Variants in GRIN2A observed in about 807,000 individuals in gnomAD.
GRIN2A encodes glutamate ionotropic receptor NMDA type subunit 2A.
Under a neutral mutation model 113.4 loss-of-function variants are expected in GRIN2A, and 22 were observed. That is an observed-to-expected ratio of 0.19 (90% CI 0.14 to 0.28). The LOEUF (loss-of-function observed/expected upper bound fraction) is 0.28, where lower values mean the gene tolerates loss of function less well. Ranked by LOEUF, GRIN2A falls within the 10% of genes least tolerant of loss-of-function variation. GRIN2A has a pLI of 1.00. For synonymous variants in GRIN2A, 827 were observed against 738.4 expected, an observed-to-expected ratio of 1.12 and a Z score of -1.94; for missense variants, 1,502 against 1,887.0, an observed-to-expected ratio of 0.80 and a Z score of 3.78.
intron 11 of GRIN2A, among the ~76,000 whole-genome samples, chr16:9,795,948 G>A (rs1902957030): frequency 6.6e-6 from 1 of 152,132 alleles, no homozygotes; most frequent in Non-Finnish European, 1.5e-5. Context: ...CCAGAGTAAG[G>A]TCCCTGAAGT....
Position 9,891,080 on chromosome 16 carries a change from C to A in GRIN2A, c.1028G>T (p.Trp343Leu), listed in dbSNP as rs1231057100. 1.2e-6 allele frequency: 2 copies of A among 1,609,628 alleles called. No individual in the cohort carries two copies. The highest frequency in any genetic ancestry group is 1.7e-6 in the Non-Finnish European group (2 of 1,175,924). Residue 343 changes from tryptophan to leucine, a missense_variant, in exon 4 of 13, where the codon TGG (tryptophan) becomes TTG (leucine). By Grantham distance (61) the Trp-to-Leu change is moderately conservative. Coordinates refer to ENST00000330684, the MANE Select transcript of GRIN2A (RefSeq NM_001134407.3). ...AGTGAAGGATAAGTCTTTGCCATCC[C>A]ATGTAACATTGACCATAAATCTAGA... ...TLHPFMVNVT[W>L]DGKDLSFTEE...
At chr16:10,044,208 A>T (rs1381625885) in intron 2 of GRIN2A, among the ~76,000 whole-genome samples, 2 of 151,560 alleles carry the variant, frequency 1.3e-5, no homozygotes, top group African/African-American at 2.4e-5. Context: ...TAATTTTTGT[A>T]TTTTTAGTAA....
chr16:9,929,761 C>T (rs2044546194), intron 3 of GRIN2A, among the ~76,000 whole-genome samples: 1 of 152,216 alleles, frequency 6.6e-6, no homozygotes, highest in African/African-American at 2.4e-5. Context: ...CTCTAGTATT[C>T]ATCCCTGGAG....
intron 2 of GRIN2A, among the ~76,000 whole-genome samples, chr16:10,142,635 G>T (rs570975070): frequency 1.3e-5 from 2 of 152,184 alleles, no homozygotes; most frequent in East Asian, 3.9e-4. Flanking sequence ...GGAGTTCAAG[G>T]CTGCAGTGAG....
intron 2 of GRIN2A, among the ~76,000 whole-genome samples, chr16:10,076,427 A>C (rs1420245625): frequency 6.6e-6 from 1 of 152,216 alleles, no homozygotes; most frequent in East Asian, 1.9e-4. Flanking sequence ...CCTAAAAGCT[A>C]AAACAAGAGC....
chr16:9,891,385 A>G (rs1050545500), intron 3 of GRIN2A, among the ~76,000 whole-genome samples: 2 of 152,204 alleles, frequency 1.3e-5, no homozygotes, highest in African/African-American at 4.8e-5. Context: ...CTGAAAACAC[A>G]TTCTATTATA....
intron 2 of GRIN2A, among the ~76,000 whole-genome samples, chr16:10,025,581 C>T (rs76506260): frequency 0.013 from 1,997 of 152,102 alleles, 28 homozygotes; most frequent in South Asian, 0.065. Context: ...GAATTATAGG[C>T]GTGAATCACC....
In GRIN2A at chr16:9,755,855, GAAAAA is replaced by G. The variant is rs58903398; in HGVS notation, c.*7289_*7293del. ...ATTATCTCTAAGACAATTTGGAAAA[GAAAAA>G]AAAAAAGGAACAGACCAAGAAGGAA... On this transcript the variant is annotated 3_prime_UTR_variant, in exon 13 of 13. Transcript: ENST00000330684. 2 of 163,220 alleles carry G rather than the reference GAAAAA, an allele frequency of 1.2e-5. No individual in the cohort carries two copies. The highest frequency in any genetic ancestry group is 2.6e-5 in the Non-Finnish European group (2 of 78,424). 10.1% of individuals were successfully genotyped at this position (163,220 alleles called of 1,614,324 possible).
intron 3 of GRIN2A, among the ~76,000 whole-genome samples, chr16:9,903,877 T>G (rs1425613624): frequency 6.6e-6 from 1 of 152,214 alleles, no homozygotes; most frequent in Non-Finnish European, 1.5e-5. Context: ...TTGATGAAGC[T>G]GATATGAAGG....
chr16:9,768,516 A>G (rs1161425490), intron 12 of GRIN2A, among the ~76,000 whole-genome samples: 1 of 152,204 alleles, frequency 6.6e-6, no homozygotes, highest in African/African-American at 2.4e-5. Context: ...CTGCCACGCT[A>G]CTGGTGAGGT....
At chr16:9,931,833 A>C (rs1459956365) in intron 3 of GRIN2A, among the ~76,000 whole-genome samples, 1 of 152,196 alleles carries the variant, frequency 6.6e-6, no homozygotes, top group East Asian at 1.9e-4. Context: ...GTGTGCAAAA[A>C]CACCTGTAGA....
intron 11 of GRIN2A, among the ~76,000 whole-genome samples, chr16:9,784,414 G>C (rs1567294311): frequency 7.5e-6 from 1 of 132,966 alleles, no homozygotes; most frequent in Admixed American, 7.9e-5. Context: ...TGGGCTACAA[G>C]AGCAAAACTC....
intron 11 of GRIN2A, among the ~76,000 whole-genome samples, chr16:9,776,350 A>G (rs1458883903): frequency 2.0e-5 from 3 of 146,394 alleles, no homozygotes; most frequent in African/African-American, 7.6e-5. Context: ...GAGTTTATTC[A>G]GGGCAGGGAT....
chr16:10,118,374 T>C lies in GRIN2A; in HGVS notation c.414+61624A>G, dbSNP rs547036615. On this transcript the variant is annotated intron_variant, in intron 2 of 12. Coordinates refer to ENST00000330684, the MANE Select transcript of GRIN2A (RefSeq NM_001134407.3). ...CCCACCCCACCCCACGCAGCAATTG[T>C]AGTTTTTCCCGCCCCGATACTTGCG... is the stretch of plus-strand genomic sequence containing the variant. Among the ~76,000 whole-genome samples the C allele has an allele frequency of 5.9e-5, 9 of 152,172 alleles. No homozygotes were observed. The South Asian group carries it at 1.9e-3, about 32-fold the overall frequency.
At chr16:10,072,925 G>T (rs2047785965) in intron 2 of GRIN2A, among the ~76,000 whole-genome samples, 1 of 147,836 alleles carries the variant, frequency 6.8e-6, no homozygotes, top group South Asian at 2.1e-4. Context: ...GCAAGATGAG[G>T]AAACTCAGTG....
In GRIN2A at chr16:10,003,099, C is replaced by T. The variant is rs980766576; in HGVS notation, c.415-64548G>A. 7.2e-5 allele frequency among the ~76,000 whole-genome samples: 11 copies of T among 152,280 alleles called. No individual in the cohort carries two copies. In the East Asian group the frequency reaches 7.7e-4, roughly 11 times the overall value. On this transcript the variant is annotated intron_variant, in intron 2 of 12. Transcript: ENST00000330684. ...GCTCTTGATGCATGGGAAGCGAATACGAGGCAATCAGTTTAAAATTAGAAC... is the reference window on the plus strand; with the variant it reads ...GCTCTTGATGCATGGGAAGCGAATATGAGGCAATCAGTTTAAAATTAGAAC...
intron 2 of GRIN2A, among the ~76,000 whole-genome samples, chr16:9,940,313 A>G (rs551575755): frequency 6.6e-6 from 1 of 152,298 alleles, no homozygotes; most frequent in Admixed American, 6.5e-5. Flanking sequence ...ACAAGAATAA[A>G]TGTCTTCTGG....
At chr16:9,819,361 A>G (rs926497943) in intron 10 of GRIN2A, among the ~76,000 whole-genome samples, 1 of 151,944 alleles carries the variant, frequency 6.6e-6, no homozygotes, top group Non-Finnish European at 1.5e-5. Context: ...TCTCCACACG[A>G]AACACAAACA....
At chr16:9,959,624 G>T (rs1349715489) in intron 2 of GRIN2A, among the ~76,000 whole-genome samples, 1 of 152,214 alleles carries the variant, frequency 6.6e-6, no homozygotes, top group Non-Finnish European at 1.5e-5. Context: ...AAAGCAAGGA[G>T]CCCAAAGAAC....
Sources: allele counts gnomAD v4.1 joint callset (sites outside exome capture counted in the v4.1 genomes callset), GRCh38; gene constraint gnomAD v4.1.1; transcripts MANE v1.5; gene names NCBI Gene and HGNC (gene_info 2026-07-23, HGNC 2026-07-21).